TLE4: variants seen among roughly 807,000 people sequenced by gnomAD.
TLE4 encodes TLE family member 4, transcriptional corepressor.
A neutral mutation model predicts 92.8 loss-of-function variants in TLE4; 8 were observed. The ratio of observed to expected loss-of-function variants is 0.09; its 90% CI spans 0.05 to 0.16. TLE4 has a LOEUF of 0.16. Ranked by LOEUF, TLE4 falls within the 10% of genes least tolerant of loss-of-function variation. The pLI, the probability that TLE4 is intolerant of heterozygous loss-of-function variation, is 1.00. For missense variants in TLE4, 675 were observed against 997.6 expected (o/e 0.68, Z 4.36); for synonymous variants, 371 against 374.1 (o/e 0.99, Z 0.10).
intron 6 of TLE4, chr9:79,649,763 T>C: frequency 1.1e-5 from 14 of 1,326,788 alleles, no homozygotes; most frequent in Non-Finnish European, 1.4e-5. Flanking sequence ...GATTTCTGCC[T>C]TTGAAAAGTT....
At position 79,720,087 on chromosome 9, in the gene TLE4, T is replaced by C. The variant is rs2075315848; in HGVS notation, c.1632T>C (p.Asp544=). The part of the protein sequence containing the change: ...NYIRSCRLLP[D]GRTLIVGGEA... ...TCCGTTCCTGCAGATTGCTCCCTGATGGTCGCACCCTAATTGTTGGAGGGG... is the reference window on the plus strand; with the variant it reads ...TCCGTTCCTGCAGATTGCTCCCTGACGGTCGCACCCTAATTGTTGGAGGGG... Residue 544 remains aspartate, a synonymous_variant, in exon 16 of 20, where the codon GAT becomes GAC. Transcript: ENST00000376552. The C allele has an allele frequency of 6.2e-7, 1 of 1,613,828 alleles. No homozygotes were observed. Among genetic ancestry groups the C allele is most frequent in the South Asian group, 1.1e-5 (1 of 91,088 alleles).
intron 4 of TLE4, among the ~76,000 whole-genome samples, chr9:79,610,824 T>C (rs924411029): frequency 2.0e-5 from 3 of 152,062 alleles, no homozygotes; most frequent in African/African-American, 7.2e-5. Context: ...ATGAATAAGT[T>C]TCCTTAGAGT....
intron 14 of TLE4, among the ~76,000 whole-genome samples, chr9:79,714,901 A>T (rs2074166832): frequency 6.6e-6 from 1 of 152,178 alleles, no homozygotes; most frequent in Admixed American, 6.5e-5. Flanking sequence ...TTCCAGGAGT[A>T]TTTGCTAGTT....
At chr9:79,585,241 T>C (rs539178332) in intron 4 of TLE4, among the ~76,000 whole-genome samples, 13 of 152,346 alleles carry the variant, frequency 8.5e-5, no homozygotes, top group Admixed American at 3.9e-4. Context: ...AACAATCTTA[T>C]GAGATTATAG....
chr9:79,692,653 A>G (rs1412626876), intron 8 of TLE4, among the ~76,000 whole-genome samples: 3 of 152,228 alleles, frequency 2.0e-5, no homozygotes, highest in Non-Finnish European at 1.5e-5. Context: ...TGGGAAGTCT[A>G]AAAACAAGGT....
intron 8 of TLE4, among the ~76,000 whole-genome samples, chr9:79,690,779 CTTTTTTTTTTTTTTT>C (rs35528090): frequency 2.6e-4 from 14 of 54,164 alleles, no homozygotes; most frequent in East Asian, 1.4e-3. Flanking sequence ...CCACTCCTGG[CTTTTTTTTTTTTTTT>C]TTTTTTTTTT....
At chr9:79,688,669 A>T (rs2066406289) in intron 8 of TLE4, among the ~76,000 whole-genome samples, 1 of 151,652 alleles carries the variant, frequency 6.6e-6, no homozygotes, top group Non-Finnish European at 1.5e-5. Flanking sequence ...AATTAACTGC[A>T]CTAATGAAGT....
chr9:79,659,993 A>G (rs2060301122), intron 8 of TLE4, among the ~76,000 whole-genome samples: 1 of 152,174 alleles, frequency 6.6e-6, no homozygotes, highest in Non-Finnish European at 1.5e-5. Context: ...AATCCATTTC[A>G]TTGTTCATCA....
At chr9:79,578,582 T>C (rs1184597631) in intron 4 of TLE4, among the ~76,000 whole-genome samples, 1 of 152,110 alleles carries the variant, frequency 6.6e-6, no homozygotes, top group Non-Finnish European at 1.5e-5. Flanking sequence ...ACCCTTTCTA[T>C]GTGGTGCTCA....
intron 4 of TLE4, among the ~76,000 whole-genome samples, chr9:79,584,057 C>G (rs1382148018): frequency 6.6e-6 from 1 of 152,208 alleles, no homozygotes; most frequent in Non-Finnish European, 1.5e-5. Context: ...AGAGTTCACG[C>G]AGGTCAGCGA....
Position 79,574,964 on chromosome 9 carries a change from G to A in TLE4, c.207+28G>A, listed in dbSNP as rs1344488595. ...AAGAAAACCATGTCACAGATTCAAA[G>A]TGCCTATTAGTTTGGAATACCAAAA... On this transcript the variant is annotated intron_variant, in intron 3 of 19. Coordinates refer to ENST00000376552, the MANE Select transcript of TLE4 (RefSeq NM_007005.6). 1.9e-6 allele frequency: 3 copies of A among 1,599,652 alleles called. No individual in the cohort carries two copies. The Admixed American group carries it at 5.0e-5, about 27-fold the overall frequency.
chr9:79,634,376 CATA>C (rs574085951), intron 6 of TLE4, among the ~76,000 whole-genome samples: 133 of 152,174 alleles, frequency 8.7e-4, no homozygotes, highest in African/African-American at 3.0e-3. Flanking sequence ...TAATAAAAAA[CATA>C]AGAATGAAGC....
At chr9:79,616,063 A>G (rs559947872) in intron 5 of TLE4, among the ~76,000 whole-genome samples, 7 of 152,292 alleles carry the variant, frequency 4.6e-5, no homozygotes, top group Non-Finnish European at 4.4e-5. Flanking sequence ...ATAAGACTCA[A>G]ATTTATTCTT....
At chr9:79,660,461 A>G (rs551080630) in intron 8 of TLE4, among the ~76,000 whole-genome samples, 34 of 152,384 alleles carry the variant, frequency 2.2e-4, no homozygotes, top group African/African-American at 7.0e-4. Context: ...ATGCCTTTCA[A>G]GCATTTAACG....
intron 8 of TLE4, among the ~76,000 whole-genome samples, chr9:79,699,880 T>C (rs1291399778): frequency 6.6e-6 from 1 of 152,170 alleles, no homozygotes; most frequent in Non-Finnish European, 1.5e-5. Context: ...GAGAAAAGTT[T>C]TGGTGAATAG....
intron 4 of TLE4, among the ~76,000 whole-genome samples, chr9:79,603,408 T>C (rs1231480927): frequency 1.3e-5 from 2 of 152,188 alleles, no homozygotes; most frequent in Non-Finnish European, 1.5e-5. Context: ...GCCATCAGTA[T>C]TGAGCCAAAA....
In TLE4 at chr9:79,587,489, T is replaced by C. The variant is rs532974677; in HGVS notation, c.252+11312T>C. On this transcript the variant is annotated intron_variant, in intron 4 of 19. Coordinates refer to ENST00000376552, the MANE Select transcript of TLE4 (RefSeq NM_007005.6). Reference sequence around the variant, plus strand: ...GATGTTTAAATGACCAGCTTAAAAATAAAATTCATCCCTACTTCCATTGCT... The same window carrying C: ...GATGTTTAAATGACCAGCTTAAAAACAAAATTCATCCCTACTTCCATTGCT... Among the ~76,000 whole-genome samples, 15 of 152,326 alleles carry C rather than the reference T, an allele frequency of 9.8e-5. No individual in the cohort carries two copies. In the South Asian group the frequency reaches 1.4e-3, roughly 15 times the overall value.
intron 8 of TLE4, among the ~76,000 whole-genome samples, chr9:79,687,376 G>A (rs7847368): frequency 0.9 from 137,182 of 152,200 alleles, 61,827 homozygotes; most frequent in Non-Finnish European, 0.91. Flanking sequence ...ATGGGTGCCA[G>A]ATTTTCTTCC....
intron 8 of TLE4, among the ~76,000 whole-genome samples, chr9:79,688,425 A>C (rs2066349287): frequency 6.6e-6 from 1 of 152,100 alleles, no homozygotes; most frequent in African/African-American, 2.4e-5. Flanking sequence ...TTGGGCACTT[A>C]ATTATACTAC....
Sources: gnomAD v4.1 joint callset for allele counts (sites outside exome capture counted in the v4.1 genomes callset) on GRCh38, gnomAD v4.1.1 for gene constraint, MANE v1.5 for transcripts, NCBI Gene and HGNC (gene_info 2026-07-23, HGNC 2026-07-21) for gene names.